The following CTTNBP2 variants were observed in gnomAD, a reference collection of about 807,000 sequenced individuals.
CTTNBP2 encodes cortactin binding protein 2.
A neutral mutation model predicts 156.9 loss-of-function variants in CTTNBP2; 108 were observed. That is an observed-to-expected ratio of 0.69 (90% CI 0.59 to 0.81). The LOEUF (loss-of-function observed/expected upper bound fraction) is 0.81, where lower values mean the gene tolerates loss of function less well. Ranked by LOEUF, CTTNBP2 falls within the 30% of genes least tolerant of loss-of-function variation. The pLI, the probability that CTTNBP2 is intolerant of heterozygous loss-of-function variation, is 0.00. For synonymous variants in CTTNBP2, 767 were observed against 751.8 expected (o/e 1.02, Z -0.33); for missense variants, 1,924 against 2,035.4 (o/e 0.95, Z 1.05).
intron 14 of CTTNBP2, among the ~76,000 whole-genome samples, chr7:117,740,419 T>C (rs1281286652): frequency 6.6e-6 from 1 of 152,174 alleles, no homozygotes; most frequent in Non-Finnish European, 1.5e-5. Context: ...CAATGTGTGC[T>C]GTGCTCAGTG....
At chr7:117,801,744 T>G (rs1395224231) in intron 3 of CTTNBP2, among the ~76,000 whole-genome samples, 1 of 152,158 alleles carries the variant, frequency 6.6e-6, no homozygotes, top group Non-Finnish European at 1.5e-5. Context: ...CTCACGCATG[T>G]ATGTGTGTAA....
chr7:117,740,010 A>G (rs1795909470), intron 14 of CTTNBP2, among the ~76,000 whole-genome samples: 2 of 152,186 alleles, frequency 1.3e-5, no homozygotes, highest in Admixed American at 1.3e-4. Context: ...TTTAAAAAGT[A>G]TCATCTTGCT....
chr7:117,720,201 T>A (rs544131144), intron 20 of CTTNBP2, among the ~76,000 whole-genome samples: 1 of 152,056 alleles, frequency 6.6e-6, no homozygotes, highest in South Asian at 2.1e-4. Context: ...CTCTTTACCC[T>A]CCCCTCTTCT....
intron 1 of CTTNBP2, chr7:117,872,081 C>A: frequency 1.7e-6 from 1 of 591,890 alleles, no homozygotes; most frequent in Non-Finnish European, 2.1e-6. Context: ...TCAATTTTCC[C>A]AAAAGTTCAA....
intron 2 of CTTNBP2, among the ~76,000 whole-genome samples, chr7:117,852,364 T>G (rs1016670838): frequency 6.6e-6 from 1 of 151,372 alleles, no homozygotes; most frequent in African/African-American, 2.4e-5. Context: ...AAAATGCAAC[T>G]ACAAGAGACA....
chr7:117,792,494 A>T lies in CTTNBP2; in HGVS notation c.702T>A (p.Phe234Leu). 6.2e-7 allele frequency: 1 copy of T among 1,614,140 alleles called. No individual in the cohort carries two copies. Among genetic ancestry groups the T allele is most frequent in the Non-Finnish European group, 8.5e-7 (1 of 1,180,030 alleles). The change falls in exon 4 of 23, where the codon TTT becomes TTA. Residue 234 changes from phenylalanine (F) to leucine (L), a missense_variant. Transcript: ENST00000160373. The surrounding 1 kb of genome is among the most constrained non-coding windows in gnomAD (Gnocchi z 4.2). ...EAQMEKQLSE[F>L]DTEREQLRAK... The stretch of plus-strand genomic sequence containing the variant: ...CACGAAGCTGTTCCCGCTCAGTGTC[A>T]AACTCAGAGAGTTGTTTTTCCATCT...
chr7:117,831,032 T>C (rs906936604), intron 2 of CTTNBP2, among the ~76,000 whole-genome samples: 12 of 152,198 alleles, frequency 7.9e-5, no homozygotes, highest in African/African-American at 2.9e-4. Flanking sequence ...TCTAACTGTG[T>C]ATGAAATATT....
intron 14 of CTTNBP2, 51 bp from the exon 15 acceptor site, chr7:117,735,472 A>G: frequency 6.6e-7 from 1 of 1,508,648 alleles, no homozygotes; most frequent in African/African-American, 1.4e-5. Context: ...AAAAATTTAT[A>G]CAAATTGGCA....
chr7:117,766,854 A>G (rs1052242647), intron 9 of CTTNBP2, among the ~76,000 whole-genome samples: 3 of 152,244 alleles, frequency 2.0e-5, no homozygotes, highest in African/African-American at 7.2e-5. Context: ...AACCAGCATT[A>G]CTTGAATAGC....
At chr7:117,860,585 C>G (rs185092438) in intron 2 of CTTNBP2, among the ~76,000 whole-genome samples, 1 of 152,118 alleles carries the variant, frequency 6.6e-6, no homozygotes, top group East Asian at 1.9e-4. Flanking sequence ...CCTCATGATC[C>G]GCCCACCTCG....
intron 14 of CTTNBP2, among the ~76,000 whole-genome samples, chr7:117,737,192 CTA>C (rs1414718209): frequency 2.6e-5 from 4 of 152,036 alleles, no homozygotes; most frequent in Non-Finnish European, 5.9e-5. Flanking sequence ...TGCTAAAATT[CTA>C]TGTTTCTTTG....
At chr7:117,723,472 AG>A (rs1433490944) in intron 19 of CTTNBP2, among the ~76,000 whole-genome samples, 12 of 152,212 alleles carry the variant, frequency 7.9e-5, no homozygotes, top group Admixed American at 6.5e-4. Flanking sequence ...TTGAGAGAGG[AG>A]GAAAATGAAT....
At chr7:117,862,138 G>T (rs1803799571) in intron 1 of CTTNBP2, among the ~76,000 whole-genome samples, 1 of 152,070 alleles carries the variant, frequency 6.6e-6, no homozygotes, top group Non-Finnish European at 1.5e-5. Flanking sequence ...TGGTCATCTG[G>T]GCTGCCATAG....
chr7:117,804,883 A>T (rs975260377), intron 3 of CTTNBP2, among the ~76,000 whole-genome samples: 23 of 152,290 alleles, frequency 1.5e-4, no homozygotes, highest in African/African-American at 5.3e-4. Context: ...TACCTATGTG[A>T]CAAACCTGCA....
Position 117,771,434 on chromosome 7 carries a change from G to A in CTTNBP2, c.2779-4258C>T, listed in dbSNP as rs140039416. 5.2e-3 allele frequency among the ~76,000 whole-genome samples: 788 copies of A among 152,296 alleles called. 8 individuals carry two copies. The highest frequency in any genetic ancestry group is 0.018 in the African/African-American group (747 of 41,546). ...GGAAGCTGTTAACGTGGGAAATAAC[G>A]ACATGAGCAAGAAGGTAGAGTTAGG... On this transcript the variant is annotated intron_variant, in intron 8 of 22. Transcript: ENST00000160373.
chr7:117,798,850 A>T (rs1799462186), intron 3 of CTTNBP2, among the ~76,000 whole-genome samples: 1 of 152,032 alleles, frequency 6.6e-6, no homozygotes, highest in Non-Finnish European at 1.5e-5. Flanking sequence ...GAAAAACACA[A>T]ATTACAAATA....
chr7:117,711,750 A>G lies in CTTNBP2; in HGVS notation c.4779T>C (p.Thr1593=). The G allele has an allele frequency of 6.2e-7, 1 of 1,613,796 alleles. No individual in the cohort carries two copies. The highest frequency in any genetic ancestry group is 8.5e-7 in the Non-Finnish European group (1 of 1,179,798). The stretch of plus-strand genomic sequence containing the variant: ...TCTTTGATTTACTGTTGCTGCATTC[A>G]GTAGTTTGATGGCTGCTGAGAGGAC... ...EVSPLSSHQT[T]ECSNSKSKTE... is the part of the protein sequence containing the mutation. The change falls in exon 23 of 23, where the codon ACT becomes ACC. Residue 1593 remains threonine, a synonymous_variant. Transcript: ENST00000160373.
intron 3 of CTTNBP2, among the ~76,000 whole-genome samples, 182 bp downstream of exon 3, chr7:117,810,583 T>A (rs1196914310): frequency 1.3e-5 from 2 of 152,212 alleles, no homozygotes; most frequent in Non-Finnish European, 2.9e-5. Flanking sequence ...TTAGTGTTAT[T>A]TTGAGTTACA....
chr7:117,727,612 A>T (rs1425220663), intron 17 of CTTNBP2, among the ~76,000 whole-genome samples: 1 of 152,144 alleles, frequency 6.6e-6, no homozygotes, highest in Non-Finnish European at 1.5e-5. Context: ...ATGGTAACAA[A>T]TTTTTTCTCA....
Sources: allele counts gnomAD v4.1 joint callset (sites outside exome capture counted in the v4.1 genomes callset), GRCh38; gene constraint gnomAD v4.1.1; non-coding constraint Gnocchi (gnomAD v3.1); transcripts MANE v1.5; gene names NCBI Gene and HGNC (gene_info 2026-07-23, HGNC 2026-07-21).